KDM3B: variants seen among roughly 807,000 people sequenced by gnomAD.
KDM3B encodes lysine demethylase 3B, also known as lysine-specific demethylase 3B.
Under a neutral mutation model 170.0 loss-of-function variants are expected in KDM3B, and 10 were observed. That is an observed-to-expected ratio of 0.06 (90% CI 0.04 to 0.10). The LOEUF is 0.10. KDM3B is among the 10% of genes least tolerant of loss of function. The pLI is 1.00. For missense variants in KDM3B, 1,394 were observed against 2,195.2 expected, an observed-to-expected ratio of 0.64 and a Z score of 7.29; for synonymous variants, 831 against 834.8, an observed-to-expected ratio of 1.00 and a Z score of 0.08.
chr5:138,401,676 A>G (rs1406235915), intron 11 of KDM3B, among the ~76,000 whole-genome samples: 1 of 152,218 alleles, frequency 6.6e-6, no homozygotes, highest in African/African-American at 2.4e-5. Context: ...TGACAATTCT[A>G]CTTTTAACCT....
At chr5:138,406,526 A>G (rs970107923) in intron 11 of KDM3B, among the ~76,000 whole-genome samples, 8 of 152,168 alleles carry the variant, frequency 5.3e-5, no homozygotes, top group African/African-American at 1.9e-4. Flanking sequence ...AGGCACCTGT[A>G]GACCTAGCTA....
At position 138,392,164 on chromosome 5, in the gene KDM3B, G is replaced by A. The variant is rs752955247; in HGVS notation, c.2532G>A (p.Lys844=). 7 of 1,576,450 alleles carry A rather than the reference G, an allele frequency of 4.4e-6. No homozygotes were observed. The Admixed American group carries it at 5.3e-5, about 12-fold the overall frequency. The part of the protein sequence containing the change: ...LKGIPEHLMG[K]LGPNGERSAE... ...GAATTCCAGAGCACCTGATGGGGAA[G>A]CTGGGCCCCAATGGGGAGCGCAGTG... Residue 844 remains lysine, a synonymous_variant, in exon 8 of 24, where the codon AAG becomes AAA. Transcript: ENST00000314358.
intron 11 of KDM3B, among the ~76,000 whole-genome samples, chr5:138,412,331 G>A (rs1045196450): frequency 2.7e-5 from 4 of 150,280 alleles, no homozygotes; most frequent in African/African-American, 7.3e-5. Flanking sequence ...GTGAGACCCC[G>A]TCTCCAAAAA....
In KDM3B at chr5:138,436,740, T is replaced by G. The variant is rs888942386; in HGVS notation, c.*1040T>G. The stretch of plus-strand genomic sequence containing the variant: ...TTTCCAACATGAGGTTTTTTGTTTT[T>G]TATCCAGAAATATTTTCAGCAAAAC... On this transcript the variant is annotated 3_prime_UTR_variant, in exon 24 of 24. Coordinates refer to ENST00000314358, the MANE Select transcript of KDM3B (RefSeq NM_016604.4). 1.1e-4 allele frequency: 16 copies of G among 152,230 alleles called. No individual in the cohort carries two copies. Among genetic ancestry groups the G allele is most frequent in the African/African-American group, 3.9e-4 (16 of 41,456 alleles). The allele number at this position is 152,230 out of a possible 1,614,324, so 9.4% of individuals were successfully genotyped here.
Position 138,435,819 on chromosome 5 carries a change from A to G in KDM3B, c.*119A>G. 2.7e-6 allele frequency: 2 copies of G among 748,544 alleles called. No individual in the cohort carries two copies. The highest frequency in any genetic ancestry group is 3.2e-5 in the South Asian group (2 of 62,234). The allele number at this position is 748,544 out of a possible 1,614,324, so 46.4% of individuals were successfully genotyped here. On this transcript the variant is annotated 3_prime_UTR_variant, in exon 24 of 24. Coordinates refer to ENST00000314358, the MANE Select transcript of KDM3B (RefSeq NM_016604.4). ...TTCACCCAGAGCCAGTGTGGTCAGT[A>G]TTCCAAACTCTCCAGCCACTCTCTT...
intron 1 of KDM3B, among the ~76,000 whole-genome samples, chr5:138,369,334 C>T (rs937302351): frequency 4.9e-4 from 74 of 152,240 alleles, no homozygotes; most frequent in African/African-American, 1.8e-3. Context: ...TTTTAATTCT[C>T]CCGTACTCCT....
At chr5:138,403,538 A>T (rs1246661846) in intron 11 of KDM3B, among the ~76,000 whole-genome samples, 1 of 152,020 alleles carries the variant, frequency 6.6e-6, no homozygotes, top group African/African-American at 2.4e-5. Flanking sequence ...TTAGCCAGGC[A>T]TGGTGGCGGG....
At position 138,435,797 on chromosome 5, in the gene KDM3B, A is replaced by C; in HGVS notation, c.*97A>C. ...CTCTTTGCTGGAGCAGAGGCCCTTC[A>C]CCCAGAGCCAGTGTGGTCAGTATTC... On this transcript the variant is annotated 3_prime_UTR_variant, in exon 24 of 24. Transcript: ENST00000314358. 2 of 919,530 alleles carry C rather than the reference A, an allele frequency of 2.2e-6. No homozygotes were observed. Among genetic ancestry groups the C allele is most frequent in the South Asian group, 1.4e-5 (1 of 69,856 alleles). 57.0% of individuals were successfully genotyped at this position (919,530 alleles called of 1,614,324 possible). A position where few individuals can be genotyped will look rare whatever the true frequency, so the allele number is the denominator to read the frequency against.
intron 1 of KDM3B, among the ~76,000 whole-genome samples, chr5:138,361,645 G>A (rs1303253870): frequency 6.6e-6 from 1 of 152,126 alleles, no homozygotes; most frequent in Non-Finnish European, 1.5e-5. Flanking sequence ...GTATTTTCTG[G>A]CTTCCGTTGC....
At chr5:138,381,342 A>G (rs1178448516) in intron 5 of KDM3B, among the ~76,000 whole-genome samples, 174 bp from the exon 6 acceptor site, 1 of 152,212 alleles carries the variant, frequency 6.6e-6, no homozygotes, top group Non-Finnish European at 1.5e-5. Flanking sequence ...AATGCTTACC[A>G]TATTCTAGAC....
chr5:138,403,696 T>TAGAAA (rs1762745780), intron 11 of KDM3B, among the ~76,000 whole-genome samples: 1 of 126,502 alleles, frequency 7.9e-6, no homozygotes, highest in Non-Finnish European at 1.7e-5. Context: ...AAAAAAAGAA[T>TAGAAA]AGAAAAGAAC....
intron 1 of KDM3B, among the ~76,000 whole-genome samples, chr5:138,355,740 C>CGTAAG (rs1185304614): frequency 6.6e-6 from 1 of 152,024 alleles, no homozygotes; most frequent in South Asian, 2.1e-4. Context: ...TTGCAGAGAC[C>CGTAAG]TTGGGACCGT....
rs984455746 is a variant in KDM3B at position 138,363,286 on chromosome 5, C to T, written c.193-9388C>T. Among the ~76,000 whole-genome samples the T allele has an allele frequency of 3.9e-5, 6 of 152,220 alleles. No individual in the cohort carries two copies. In the East Asian group the frequency reaches 9.7e-4, roughly 24 times the overall value. The stretch of plus-strand genomic sequence containing the variant: ...GCTGATGTTCACTTCCGATTTATTA[C>T]GGAATTTCTACTCCGTGGCCCCGTT... On this transcript the variant is annotated intron_variant, in intron 1 of 23. Transcript: ENST00000314358.
intron 6 of KDM3B, among the ~76,000 whole-genome samples, chr5:138,382,174 G>A (rs979516615): frequency 1.3e-5 from 2 of 152,250 alleles, no homozygotes; most frequent in African/African-American, 4.8e-5. Context: ...TGGGCCAGGT[G>A]CAGTGGCTCA....
intron 20 of KDM3B, among the ~76,000 whole-genome samples, chr5:138,428,452 C>T (rs2127004390): frequency 6.6e-6 from 1 of 152,252 alleles, no homozygotes; most frequent in South Asian, 2.1e-4. Flanking sequence ...CTCAGGTGAT[C>T]CGTCTGCCTC....
intron 11 of KDM3B, among the ~76,000 whole-genome samples, chr5:138,404,752 G>A (rs964310206): frequency 1.3e-5 from 2 of 151,936 alleles, no homozygotes; most frequent in African/African-American, 4.8e-5. Context: ...TTGAGATGGA[G>A]TCTGACTGTC....
intron 1 of KDM3B, among the ~76,000 whole-genome samples, chr5:138,356,152 GT>G (rs1241911331): frequency 6.6e-6 from 1 of 152,068 alleles, no homozygotes; most frequent in South Asian, 2.1e-4. Flanking sequence ...GTTATCTAAA[GT>G]TTTTTTGGCA....
chr5:138,403,978 G>A (rs1460956383), intron 11 of KDM3B, among the ~76,000 whole-genome samples: 1 of 151,706 alleles, frequency 6.6e-6, no homozygotes, highest in East Asian at 1.9e-4. Context: ...AATATCTCAG[G>A]TATTTACACC....
chr5:138,368,713 A>G (rs2126918271), intron 1 of KDM3B, among the ~76,000 whole-genome samples: 1 of 152,288 alleles, frequency 6.6e-6, no homozygotes, highest in East Asian at 1.9e-4. Flanking sequence ...AAACAAATTC[A>G]TATTATCAGA....
Sources: gnomAD v4.1 joint callset for allele counts (sites outside exome capture counted in the v4.1 genomes callset) on GRCh38, gnomAD v4.1.1 for gene constraint, MANE v1.5 for transcripts, NCBI Gene and HGNC (gene_info 2026-07-23, HGNC 2026-07-21) for gene names.